NUP188: variants seen among roughly 807,000 people sequenced by gnomAD.
NUP188 encodes the protein nucleoporin NUP188.
NUP188 carries 97 observed loss-of-function variants against 223.0 expected under a neutral mutation model. The ratio of observed to expected loss-of-function variants is 0.43; its 90% CI spans 0.37 to 0.51. The LOEUF (loss-of-function observed/expected upper bound fraction) is 0.51. Ranked by LOEUF, NUP188 falls within the 20% of genes least tolerant of loss-of-function variation. The probability of loss-of-function intolerance (pLI) is 0.00; values close to 1 mark genes in which losing one functional copy is unlikely to be tolerated. For synonymous variants in NUP188, 869 were observed against 828.0 expected, an observed-to-expected ratio of 1.05 and a Z score of -0.85; for missense variants, 1,947 against 2,175.6, an observed-to-expected ratio of 0.89 and a Z score of 2.09.
intron 25 of NUP188, among the ~76,000 whole-genome samples, chr9:128,990,470 G>A (rs1842402508): frequency 6.6e-6 from 1 of 152,104 alleles, no homozygotes; most frequent in Admixed American, 6.5e-5. Context: ...GCTCATGCCT[G>A]TAATTCCAGC....
At chr9:128,951,068 T>A (rs1841776556) in intron 2 of NUP188, among the ~76,000 whole-genome samples, 2 of 152,012 alleles carry the variant, frequency 1.3e-5, no homozygotes, top group African/African-American at 4.8e-5. Context: ...TCCCAGCACT[T>A]TGGGAGGCCG....
chr9:128,994,483 T>C, intron 28 of NUP188, 41 bp downstream of exon 28: 1 of 1,421,712 alleles, frequency 7.0e-7, no homozygotes, highest in East Asian at 2.3e-5. Flanking sequence ...TACAAGTCCC[T>C]TGGAGGAAAG....
chr9:128,963,703 G>A (rs1007531074), intron 8 of NUP188, among the ~76,000 whole-genome samples: 1 of 151,126 alleles, frequency 6.6e-6, no homozygotes, highest in Admixed American at 6.6e-5. Flanking sequence ...ATAGGGTCTT[G>A]CTATTTTGCC....
intron 11 of NUP188, among the ~76,000 whole-genome samples, chr9:128,972,707 T>C (rs1842120088): frequency 6.6e-6 from 1 of 152,212 alleles, no homozygotes; most frequent in Non-Finnish European, 1.5e-5. Flanking sequence ...GGGAAATCTT[T>C]GTACTTTTCT....
chr9:128,983,417 G>T, intron 18 of NUP188, 37 bp downstream of exon 18: 2 of 1,612,242 alleles, frequency 1.2e-6, no homozygotes, highest in East Asian at 4.5e-5. Flanking sequence ...CAAAAATGTA[G>T]CACTTGGCAC....
chr9:128,966,384 GT>G (rs547073428), intron 8 of NUP188, among the ~76,000 whole-genome samples: 53 of 145,988 alleles, frequency 3.6e-4, no homozygotes, highest in Non-Finnish European at 6.4e-4. Context: ...AAATATCTGG[GT>G]TTTTTTTTTG....
rs558628641 is a variant in NUP188, at chr9:129,004,744, T to C, written c.4435-403T>C. 2.0e-3 allele frequency: 378 copies of C among 189,522 alleles called. 3 individuals are homozygous for C. The highest frequency in any genetic ancestry group is 8.0e-3 in the African/African-American group (344 of 42,896). 11.7% of individuals were successfully genotyped at this position (189,522 alleles called of 1,614,324 possible). A position where few individuals can be genotyped will look rare whatever the true frequency, so the allele number is the denominator to read the frequency against. On this transcript the variant is annotated intron_variant, in intron 38 of 43. Coordinates refer to ENST00000372577, the MANE Select transcript of NUP188 (RefSeq NM_015354.3). Reference sequence around the variant, plus strand: ...TGGTCTCGATCTGCTGACCTCGTGATGCGCCTGCCTCGACCTCAAAAGTGC... The same window carrying C: ...TGGTCTCGATCTGCTGACCTCGTGACGCGCCTGCCTCGACCTCAAAAGTGC...
chr9:128,995,824 G>C (rs556334005), intron 30 of NUP188, among the ~76,000 whole-genome samples: 36 of 152,192 alleles, frequency 2.4e-4, no homozygotes, highest in Non-Finnish European at 5.1e-4. Context: ...CTTGTGCAAA[G>C]GCATAACTGT....
At chr9:128,998,815 G>A (rs1032523471) in intron 32 of NUP188, among the ~76,000 whole-genome samples, 192 bp downstream of exon 32, 2 of 151,470 alleles carry the variant, frequency 1.3e-5, no homozygotes, top group Non-Finnish European at 2.9e-5. Context: ...GCAGTGTGTG[G>A]CCTTTTATGA....
intron 33 of NUP188, 63 bp downstream of exon 33, chr9:128,999,380 A>G (rs2302813): frequency 0.37 from 587,485 of 1,581,492 alleles, 113,977 homozygotes; most frequent in Admixed American, 0.42. Flanking sequence ...ACAGCCAGGC[A>G]GGGCTTCCTT....
At position 129,005,645 on chromosome 9, in the gene NUP188, T is replaced by C. The variant is rs1157174757; in HGVS notation, c.4738T>C (p.Ser1580Pro). ...GGATGGCTCTTGTCTTTTCTCGCAG[T>C]CCCTGGACCTTGCTGAATACAACTT... ...PDVCQILLDQ[S>P]LDLAEYNFLF... Residue 1580 changes from serine to proline, a missense_variant and splice_region_variant, in exon 41 of 44, where the codon TCC becomes CCC. Transcript: ENST00000372577. 1.2e-6 allele frequency: 2 copies of C among 1,613,434 alleles called. No homozygotes were observed. Among genetic ancestry groups the C allele is most frequent in the Admixed American group, 3.3e-5 (2 of 59,950 alleles).
At chr9:128,978,322 G>A (rs544085499) in intron 12 of NUP188, among the ~76,000 whole-genome samples, 35 of 152,166 alleles carry the variant, frequency 2.3e-4, no homozygotes, top group African/African-American at 8.4e-4. Context: ...CCAGCACTTT[G>A]GGAGGCTGAG....
intron 3 of NUP188, among the ~76,000 whole-genome samples, chr9:128,954,924 G>A (rs1020847056): frequency 1.5e-4 from 22 of 151,412 alleles, no homozygotes; most frequent in Admixed American, 4.6e-4. Flanking sequence ...TGCGATTTCA[G>A]CTCACTGCAA....
intron 24 of NUP188, 107 bp downstream of exon 24, chr9:128,988,293 C>G: frequency 7.7e-7 from 1 of 1,292,772 alleles, no homozygotes; most frequent in East Asian, 2.3e-5. Flanking sequence ...ACAGTATTTT[C>G]TGCTTCTTGA....
intron 38 of NUP188, chr9:129,004,747 G>A (rs572077793): frequency 6.3e-5 from 12 of 191,248 alleles, no homozygotes; most frequent in African/African-American, 1.9e-4. Flanking sequence ...CTCGTGATGC[G>A]CCTGCCTCGA....
At chr9:128,992,950 T>G in intron 25 of NUP188, 1 of 503,246 alleles carries the variant, frequency 2.0e-6, no homozygotes, top group Non-Finnish European at 3.6e-6. Context: ...AATGTTTCAC[T>G]TTTCAGTTTG....
At position 128,986,559 on chromosome 9, in the gene NUP188, G is replaced by A. The variant is rs1185860317; in HGVS notation, c.2078G>A (p.Gly693Glu). Reference sequence around the variant, plus strand: ...TCCTCACTGCATGGTTTCTTGTAGGGGCAACTTGGTAGTACCCAGAGCCAA... The same window carrying A: ...TCCTCACTGCATGGTTTCTTGTAGGAGCAACTTGGTAGTACCCAGAGCCAA... ...FLRLITTLVK[G>E]QLGSTQSQGL... Residue 693 changes from glycine (G) to glutamate (E), a missense_variant and splice_region_variant, in exon 21 of 44, where the codon GGG becomes GAG. Transcript: ENST00000372577. 6.2e-7 allele frequency: 1 copy of A among 1,612,998 alleles called. No homozygotes were observed. The highest frequency in any genetic ancestry group is 2.2e-5 in the East Asian group (1 of 44,862).
At chr9:128,982,868 T>C in intron 16 of NUP188, 34 bp from the exon 17 acceptor site, 2 of 1,613,260 alleles carry the variant, frequency 1.2e-6, no homozygotes, top group Non-Finnish European at 8.5e-7. Flanking sequence ...AAGGGGTTGT[T>C]TGCCGTGAGG....
At chr9:128,955,183 G>T (rs1841852087) in intron 3 of NUP188, among the ~76,000 whole-genome samples, 1 of 152,058 alleles carries the variant, frequency 6.6e-6, no homozygotes, top group Middle Eastern at 3.4e-3. Flanking sequence ...ATAGCAGAGA[G>T]TACATGCTGT....
Sources: gnomAD v4.1 joint callset for allele counts (sites outside exome capture counted in the v4.1 genomes callset) on GRCh38, gnomAD v4.1.1 for gene constraint, MANE v1.5 for transcripts, NCBI Gene and HGNC (gene_info 2026-07-23, HGNC 2026-07-21) for gene names.